The following CNBD1 variants were observed in gnomAD, a reference collection of about 807,000 sequenced individuals.
CNBD1 encodes cyclic nucleotide binding domain containing 1.
Under a neutral mutation model 54.4 loss-of-function variants are expected in CNBD1, and 71 were observed. The observed-to-expected ratio is 1.30, with a 90% CI of 1.08 to 1.59. The LOEUF is 1.59. Among genes scored for constraint, CNBD1 ranks in the 40% most tolerant of loss-of-function variants. CNBD1 has a pLI of 0.00. For missense variants in CNBD1, 659 were observed against 518.0 expected, an observed-to-expected ratio of 1.27 and a Z score of -2.64; for synonymous variants, 182 against 170.7, an observed-to-expected ratio of 1.07 and a Z score of -0.51.
chr8:87,219,653 G>C (rs1488471074), intron 5 of CNBD1, among the ~76,000 whole-genome samples: 1 of 151,920 alleles, frequency 6.6e-6, no homozygotes, highest in East Asian at 1.9e-4. Flanking sequence ...CTGAACAGTT[G>C]GATGGACAAG....
chr8:87,224,958 C>G (rs1814444306), intron 5 of CNBD1, among the ~76,000 whole-genome samples: 1 of 152,196 alleles, frequency 6.6e-6, no homozygotes. Flanking sequence ...AGGTCCTTCA[C>G]ATCCCTTGTA....
At chr8:87,322,939 T>C (rs1809569915) in intron 8 of CNBD1, among the ~76,000 whole-genome samples, 1 of 101,584 alleles carries the variant, frequency 9.8e-6, no homozygotes, top group African/African-American at 3.9e-5. Flanking sequence ...TGGTTTTAGG[T>C]CTAACGTTTA....
intron 10 of CNBD1, among the ~76,000 whole-genome samples, chr8:87,367,822 A>T (rs1810672172): frequency 6.6e-6 from 1 of 152,218 alleles, no homozygotes; most frequent in South Asian, 2.1e-4. Context: ...TTTGTTACTC[A>T]TTGGGATGAG....
At chr8:87,390,077 C>A (rs1161592139) in intron 2 of CNBD1, among the ~76,000 whole-genome samples, 1 of 151,020 alleles carries the variant, frequency 6.6e-6, no homozygotes, top group African/African-American at 2.4e-5. Flanking sequence ...CCCTTCCTTA[C>A]ACCTTATACA....
chr8:87,061,275 G>A (rs1262295112), intron 4 of CNBD1, among the ~76,000 whole-genome samples: 2 of 152,126 alleles, frequency 1.3e-5, no homozygotes, highest in African/African-American at 4.8e-5. Flanking sequence ...AACTAAATAA[G>A]ATTAGTGTCC....
chr8:86,894,530 A>G (rs1808822216), intron 2 of CNBD1, among the ~76,000 whole-genome samples: 1 of 152,218 alleles, frequency 6.6e-6, no homozygotes, highest in Non-Finnish European at 1.5e-5. Context: ...ACTATTAACT[A>G]AAGCCCATTT....
At chr8:87,326,979 T>C (rs1809683030) in intron 8 of CNBD1, among the ~76,000 whole-genome samples, 1 of 140,124 alleles carries the variant, frequency 7.1e-6, no homozygotes, top group South Asian at 2.3e-4. Flanking sequence ...CAGATGGGTT[T>C]TTGGTGTGGA....
At chr8:87,147,043 C>T (rs1812505255) in intron 4 of CNBD1, among the ~76,000 whole-genome samples, 1 of 152,106 alleles carries the variant, frequency 6.6e-6, no homozygotes, top group South Asian at 2.1e-4. Context: ...TCCTCCATCA[C>T]CACCATGCCA....
At chr8:87,045,746 A>G (rs1810171748) in intron 4 of CNBD1, among the ~76,000 whole-genome samples, 1 of 145,278 alleles carries the variant, frequency 6.9e-6, no homozygotes, top group Admixed American at 6.9e-5. Flanking sequence ...AAAAAAAAAC[A>G]GTACACATGT....
intron 8 of CNBD1, among the ~76,000 whole-genome samples, chr8:87,301,722 A>T (rs1342054511): frequency 1.3e-5 from 2 of 152,158 alleles, no homozygotes; most frequent in Non-Finnish European, 2.9e-5. Context: ...TGAAAAGATC[A>T]ACAAAAGTGA....
intron 2 of CNBD1, among the ~76,000 whole-genome samples, chr8:87,406,054 T>C (rs1457769469): frequency 2.6e-5 from 4 of 152,114 alleles, no homozygotes; most frequent in Non-Finnish European, 5.9e-5. Flanking sequence ...TCTTAAATAT[T>C]TATCAACCTA....
At chr8:87,383,714 C>A (rs1252097307), downstream of CNBD1, among the ~76,000 whole-genome samples, 3 of 152,116 alleles carry the variant, frequency 2.0e-5, no homozygotes, top group East Asian at 3.9e-4. Context: ...AATTATGTCA[C>A]CTTTCTCCAC....
intron 6 of CNBD1, among the ~76,000 whole-genome samples, chr8:87,279,393 G>T (rs1352048188): frequency 1.3e-5 from 2 of 151,524 alleles, no homozygotes; most frequent in East Asian, 3.9e-4. Flanking sequence ...TAAGATGGCA[G>T]ATTTAAAAGC....
At chr8:86,913,253 A>G (rs554335750) in intron 3 of CNBD1, among the ~76,000 whole-genome samples, 103 of 152,194 alleles carry the variant, frequency 6.8e-4, no homozygotes, top group Non-Finnish European at 1.2e-3. Flanking sequence ...ACCCAGAGCA[A>G]CTTCCACTAC....
chr8:87,285,241 CATG>C (rs1037081784), intron 7 of CNBD1, among the ~76,000 whole-genome samples: 10 of 152,124 alleles, frequency 6.6e-5, no homozygotes, highest in Non-Finnish European at 1.3e-4. Flanking sequence ...ATGTGATTGC[CATG>C]ATATTTCATA....
At chr8:87,322,710 T>C (rs1273702635) in intron 8 of CNBD1, among the ~76,000 whole-genome samples, 1 of 68,266 alleles carries the variant, frequency 1.5e-5, no homozygotes, top group African/African-American at 5.8e-5. Flanking sequence ...ATTAGCCCTT[T>C]GTCAGATGAG....
At chr8:87,305,006 A>T (rs535030396) in intron 8 of CNBD1, among the ~76,000 whole-genome samples, 1 of 152,098 alleles carries the variant, frequency 6.6e-6, no homozygotes, top group South Asian at 2.1e-4. Context: ...TACCTTGAAA[A>T]CCCTAAGGAT....
intron 3 of CNBD1, among the ~76,000 whole-genome samples, chr8:86,906,359 A>G (rs969794329): frequency 1.3e-5 from 2 of 152,150 alleles, no homozygotes; most frequent in African/African-American, 4.8e-5. Context: ...AATCTCTGGG[A>G]GATGGAGTTG....
At chr8:87,152,073 G>A (rs1812615494) in intron 4 of CNBD1, among the ~76,000 whole-genome samples, 2 of 151,958 alleles carry the variant, frequency 1.3e-5, no homozygotes, top group African/African-American at 4.8e-5. Flanking sequence ...GCACATTAAA[G>A]TTTTGACAAT....
Sources: allele counts gnomAD v4.1 joint callset (sites outside exome capture counted in the v4.1 genomes callset), GRCh38; gene constraint gnomAD v4.1.1; transcripts MANE v1.5; gene names NCBI Gene and HGNC (gene_info 2026-07-23, HGNC 2026-07-21).